PKHD1: variants seen among roughly 807,000 people sequenced by gnomAD.
PKHD1 encodes the protein fibrocystin.
Under a neutral mutation model 412.0 loss-of-function variants are expected in PKHD1, and 291 were observed. That is an observed-to-expected ratio of 0.71 (90% CI 0.64 to 0.78). The LOEUF is 0.78. PKHD1 is among the 30% of genes least tolerant of loss of function. The probability of loss-of-function intolerance (pLI) is 0.00; values close to 1 mark genes in which losing one functional copy is unlikely to be tolerated. For missense variants in PKHD1, 4,825 were observed against 4,950.7 expected (o/e 0.97, Z 0.76); for synonymous variants, 1,777 against 1,821.5 (o/e 0.98, Z 0.62).
intron 35 of PKHD1, among the ~76,000 whole-genome samples, chr6:51,962,142 G>A (rs1426063006): frequency 2.0e-5 from 3 of 152,070 alleles, no homozygotes; most frequent in Non-Finnish European, 4.4e-5. Context: ...TAGCAAGCTA[G>A]GAAGAATGAT....
chr6:51,676,457 AATAATTTTTTTAGCC>A (rs1200612412), intron 60 of PKHD1, among the ~76,000 whole-genome samples: 11 of 152,280 alleles, frequency 7.2e-5, no homozygotes, highest in African/African-American at 2.6e-4. Flanking sequence ...CATTTCCCTC[AATAATTTTTTTAGCC>A]ATTTTGTAAT....
rs999483550 is a variant in PKHD1 at position 52,025,668 on chromosome 6, A to C, written c.4142T>G (p.Val1381Gly). 10 of 1,614,090 alleles carry C rather than the reference A, an allele frequency of 6.2e-6. No individual in the cohort carries two copies. Among genetic ancestry groups the C allele is most frequent in the African/African-American group, 1.3e-5 (1 of 74,932 alleles). Residue 1381 changes from valine (V) to glycine (G), a missense_variant, in exon 32 of 67, where the codon GTG becomes GGG. Coordinates refer to ENST00000371117, the MANE Select transcript of PKHD1 (RefSeq NM_138694.4). The part of the protein sequence containing the change: ...KQMGFANMSV[V>G]LQQFAVMPRI... The stretch of plus-strand genomic sequence containing the variant: ...AGGCATCACTGCAAATTGCTGGAGC[A>C]CCACAGACATATTAGCAAATCCCAT...
chr6:51,969,214 A>G (rs779834780), intron 35 of PKHD1, among the ~76,000 whole-genome samples: 1 of 152,194 alleles, frequency 6.6e-6, no homozygotes, highest in Non-Finnish European at 1.5e-5. Flanking sequence ...GAAAGTGGTC[A>G]CAGCCAACAG....
intron 60 of PKHD1, among the ~76,000 whole-genome samples, chr6:51,730,437 C>A (rs764908646): frequency 6.6e-6 from 1 of 152,098 alleles, no homozygotes; most frequent in East Asian, 1.9e-4. Flanking sequence ...AATGGCTCAA[C>A]GTTGCTATTT....
intron 65 of PKHD1, among the ~76,000 whole-genome samples, chr6:51,631,205 G>T (rs1282657377): frequency 6.6e-6 from 1 of 152,090 alleles, no homozygotes. Flanking sequence ...AAAAATTTAT[G>T]AAAATTCTAC....
At chr6:51,641,635 A>G (rs1001331841) in intron 63 of PKHD1, among the ~76,000 whole-genome samples, 6 of 152,228 alleles carry the variant, frequency 3.9e-5, no homozygotes, top group African/African-American at 9.6e-5. Context: ...AAGACTTGGA[A>G]TCAACACAAA....
At chr6:51,934,374 T>C in intron 36 of PKHD1, 52 bp from the exon 37 acceptor site, 1 of 1,153,824 alleles carries the variant, frequency 8.7e-7, no homozygotes, top group Non-Finnish European at 1.3e-6. Flanking sequence ...GGCTTACCGT[T>C]TTGTCAGTTT....
chr6:51,716,702 G>T lies in PKHD1; in HGVS notation c.10156+27683C>A, dbSNP rs528711159. Among the ~76,000 whole-genome samples the T allele has an allele frequency of 3.2e-4, 48 of 152,122 alleles. No homozygotes were observed. In the South Asian group the frequency reaches 8.1e-3, roughly 26 times the overall value. ...GACTCAGGGATTGGTCCTGAAGTGG[G>T]TGTAACAGCCAAAGAGAATTTATCA... On this transcript the variant is annotated intron_variant, in intron 60 of 66. Coordinates refer to ENST00000371117, the MANE Select transcript of PKHD1 (RefSeq NM_138694.4).
chr6:51,849,603 G>A (rs1304402800), intron 49 of PKHD1, among the ~76,000 whole-genome samples: 2 of 152,090 alleles, frequency 1.3e-5, no homozygotes, highest in Non-Finnish European at 2.9e-5. Context: ...GGCATGAGAT[G>A]GTATCTCATA....
chr6:51,995,592 A>G (rs1168765887), intron 35 of PKHD1, among the ~76,000 whole-genome samples: 1 of 152,200 alleles, frequency 6.6e-6, no homozygotes, highest in Non-Finnish European at 1.5e-5. Context: ...AGGCCCTAAT[A>G]AAATGCCACA....
chr6:52,047,499 C>T (rs570396846), intron 23 of PKHD1, among the ~76,000 whole-genome samples: 3 of 152,292 alleles, frequency 2.0e-5, no homozygotes, highest in Non-Finnish European at 2.9e-5. Flanking sequence ...AAATAAGTAA[C>T]GTATCATTAT....
chr6:51,632,140 C>A (rs1768003535), intron 65 of PKHD1, among the ~76,000 whole-genome samples: 1 of 151,940 alleles, frequency 6.6e-6, no homozygotes, highest in African/African-American at 2.4e-5. Context: ...GACAGGGTTT[C>A]ACCATGTTGG....
chr6:51,904,127 T>G, intron 41 of PKHD1, 85 bp from the exon 42 acceptor site: 1 of 898,324 alleles, frequency 1.1e-6, no homozygotes, highest in Non-Finnish European at 1.9e-6. Flanking sequence ...TCTTTGGGTG[T>G]GGGTTGTTTT....
intron 34 of PKHD1, among the ~76,000 whole-genome samples, chr6:52,013,095 G>C (rs1338463893): frequency 6.6e-6 from 1 of 152,158 alleles, no homozygotes; most frequent in Non-Finnish European, 1.5e-5. Context: ...CCCAGTTTAT[G>C]AATGATCTGA....
intron 50 of PKHD1, among the ~76,000 whole-genome samples, chr6:51,843,076 C>A (rs1012300573): frequency 6.6e-6 from 1 of 152,174 alleles, no homozygotes; most frequent in Non-Finnish European, 1.5e-5. Flanking sequence ...TATCTCTGCC[C>A]CATTTAATGA....
At chr6:52,073,933 T>C (rs1417402265) in intron 6 of PKHD1, among the ~76,000 whole-genome samples, 1 of 152,182 alleles carries the variant, frequency 6.6e-6, no homozygotes, top group Admixed American at 6.5e-5. Flanking sequence ...AAGGACAATG[T>C]GCCTTGGGTG....
At chr6:51,994,077 G>A (rs906276725) in intron 35 of PKHD1, among the ~76,000 whole-genome samples, 7 of 151,982 alleles carry the variant, frequency 4.6e-5, no homozygotes, top group Non-Finnish European at 1.0e-4. Context: ...ACTGGACATC[G>A]ATAGAATCGA....
intron 32 of PKHD1, among the ~76,000 whole-genome samples, chr6:52,023,852 G>A (rs1271157917): frequency 6.6e-6 from 1 of 152,148 alleles, no homozygotes; most frequent in Non-Finnish European, 1.5e-5. Flanking sequence ...TGATAGACTA[G>A]AGCCAAATCC....
chr6:51,832,340 T>C (rs1768402461), intron 51 of PKHD1, among the ~76,000 whole-genome samples: 1 of 151,916 alleles, frequency 6.6e-6, no homozygotes, highest in Non-Finnish European at 1.5e-5. Flanking sequence ...GACAAGAGGG[T>C]TGCACTGCAG....
Sources: gnomAD v4.1 joint callset for allele counts (sites outside exome capture counted in the v4.1 genomes callset) on GRCh38, gnomAD v4.1.1 for gene constraint, MANE v1.5 for transcripts, NCBI Gene and HGNC (gene_info 2026-07-23, HGNC 2026-07-21) for gene names.